PCDHGA2: variants seen among roughly 807,000 people sequenced by gnomAD.
The protein encoded by PCDHGA2 is protocadherin gamma subfamily A, 2, also known as protocadherin gamma-A2.
In PCDHGA2, 40 loss-of-function variants were observed where a neutral mutation model predicts 59.2. The observed-to-expected ratio is 0.68, with a 90% CI of 0.52 to 0.88. The LOEUF (loss-of-function observed/expected upper bound fraction) is 0.88, where lower values mean the gene tolerates loss of function less well. Ranked by LOEUF, PCDHGA2 falls within the 40% of genes least tolerant of loss-of-function variation. PCDHGA2 has a pLI of 0.00. For missense variants in PCDHGA2, 1,226 were observed against 1,204.0 expected (o/e 1.02, Z -0.27); for synonymous variants, 560 against 526.0 (o/e 1.06, Z -0.89).
chr5:141,474,847 GCCTTCT>G (rs906863967), intron 1 of PCDHGA2, among the ~76,000 whole-genome samples: 3 of 152,198 alleles, frequency 2.0e-5, no homozygotes, highest in African/African-American at 7.2e-5. Context: ...CACTTTACCT[GCCTTCT>G]TCATTTAATA....
intron 1 of PCDHGA2, chr5:141,403,862 G>A (rs1370445288): frequency 1.2e-6 from 2 of 1,613,508 alleles, no homozygotes; most frequent in East Asian, 2.2e-5. Flanking sequence ...AATATCAACA[G>A]CAAAAAGTCT....
At chr5:141,453,205 G>C (rs570291941) in intron 1 of PCDHGA2, among the ~76,000 whole-genome samples, 2 of 151,872 alleles carry the variant, frequency 1.3e-5, no homozygotes, top group Non-Finnish European at 2.9e-5. Context: ...CCTCAACCTC[G>C]TGCACTTAAG....
At chr5:141,450,675 C>T (rs377412699) in intron 1 of PCDHGA2, among the ~76,000 whole-genome samples, 3 of 151,614 alleles carry the variant, frequency 2.0e-5, no homozygotes, top group South Asian at 4.2e-4. Flanking sequence ...TTAGTAGAAA[C>T]GGGGTTTTGC....
chr5:141,474,170 T>G (rs535586079), intron 1 of PCDHGA2, among the ~76,000 whole-genome samples: 1 of 152,346 alleles, frequency 6.6e-6, no homozygotes, highest in South Asian at 2.1e-4. Flanking sequence ...GCCTTATTAT[T>G]GAGAAAACTA....
chr5:141,439,368 A>C (rs1346879772), intron 1 of PCDHGA2, among the ~76,000 whole-genome samples: 1 of 152,192 alleles, frequency 6.6e-6, no homozygotes, highest in East Asian at 1.9e-4. Flanking sequence ...CATCAAGAAG[A>C]AATAAAAATA....
rs186469397 is a variant in PCDHGA2 at position 141,376,362 on chromosome 5, C to G, written c.2424+34967C>G. ...ACCTATTCCCACGAGGTCTCACTCA[C>G]TGCAGACTCGCGTAAGAGTCATCTG... On this transcript the variant is annotated intron_variant, in intron 1 of 3. Transcript: ENST00000394576. 5.1e-3 allele frequency: 8,179 copies of G among 1,614,250 alleles called. 35 individuals carry two copies. The highest frequency in any genetic ancestry group is 6.1e-3 in the Non-Finnish European group (7,170 of 1,180,044).
intron 1 of PCDHGA2, chr5:141,388,934 A>G (rs1225337103): frequency 1.9e-6 from 3 of 1,613,896 alleles, no homozygotes; most frequent in Non-Finnish European, 2.5e-6. Context: ...TCCAGTCTCT[A>G]CCCAACCTAA....
intron 1 of PCDHGA2, chr5:141,374,529 C>G: frequency 6.2e-7 from 1 of 1,613,042 alleles, no homozygotes; most frequent in East Asian, 2.2e-5. Flanking sequence ...GCAGCTCCAT[C>G]CTCTCGTTTT....
At chr5:141,388,201 T>C (rs780011607) in intron 1 of PCDHGA2, 1 of 1,573,864 alleles carries the variant, frequency 6.4e-7, no homozygotes, top group Non-Finnish European at 8.7e-7. Context: ...GCTCTGGAAT[T>C]TGAGGCTGTT....
Position 141,485,751 on chromosome 5 carries a change from A to G in PCDHGA2, c.2425-9056A>G. ...CGCAGCGACGGCAGCCTGGTCCCAG[A>G]GCTGCTCCTGGAGAAGCCTTTGGAT... is the stretch of plus-strand genomic sequence containing the variant. On this transcript the variant is annotated intron_variant, in intron 1 of 3. Coordinates refer to ENST00000394576, the MANE Select transcript of PCDHGA2 (RefSeq NM_018915.4). This position sits in a 1 kb window ranked among gnomAD's most constrained non-coding sequence, Gnocchi z 5.7. 6.2e-7 allele frequency: 1 copy of G among 1,614,166 alleles called. No individual in the cohort carries two copies. Among genetic ancestry groups the G allele is most frequent in the Non-Finnish European group, 8.5e-7 (1 of 1,179,998 alleles).
chr5:141,341,475 T>TC, intron 1 of PCDHGA2, 80 bp downstream of exon 1: 1 of 1,580,280 alleles, frequency 6.3e-7, no homozygotes, highest in Non-Finnish European at 8.6e-7. Flanking sequence ...TCTATTTTGT[T>TC]CCCCATATTT....
At chr5:141,407,336 G>C (rs1005803062) in intron 1 of PCDHGA2, among the ~76,000 whole-genome samples, 1 of 152,124 alleles carries the variant, frequency 6.6e-6, no homozygotes, top group South Asian at 2.1e-4. Context: ...ATATTGAAAT[G>C]TATGTTAATT....
chr5:141,356,699 C>G (rs1303768653), intron 1 of PCDHGA2: 1 of 1,613,914 alleles, frequency 6.2e-7, no homozygotes, highest in Non-Finnish European at 8.5e-7. Flanking sequence ...CAGGGTGCAC[C>G]TCTGTCCTCC....
At chr5:141,410,338 C>T (rs1050053577) in intron 1 of PCDHGA2, 35 of 1,613,900 alleles carry the variant, frequency 2.2e-5, no homozygotes, top group Non-Finnish European at 2.2e-5. Context: ...TGGCCATTGC[C>T]TTGCGCCTGC....
chr5:141,437,638 A>G (rs192433359), intron 1 of PCDHGA2, among the ~76,000 whole-genome samples: 1 of 152,250 alleles, frequency 6.6e-6, no homozygotes, highest in Admixed American at 6.5e-5. Context: ...TGTCAGGTTC[A>G]GAAAAGCAAA....
At chr5:141,384,214 T>A in intron 1 of PCDHGA2, 1 of 1,613,874 alleles carries the variant, frequency 6.2e-7, no homozygotes, top group Non-Finnish European at 8.5e-7. Flanking sequence ...AACTCACATA[T>A]TCATGCAGGT....
rs964965013 is a variant in PCDHGA2 at position 141,489,097 on chromosome 5, C to G, written c.2425-5710C>G. The G allele has an allele frequency of 6.4e-6, 2 of 313,448 alleles. No homozygotes were observed. The highest frequency in any genetic ancestry group is 1.1e-4 in the South Asian group (2 of 18,596). 19.4% of individuals were successfully genotyped at this position (313,448 alleles called of 1,614,324 possible). The stretch of plus-strand genomic sequence containing the variant: ...ACCCCCGCCACTCGGTGACTAAGAA[C>G]TGCTGCAAGCAGGCAAACCTCCGAG... On this transcript the variant is annotated intron_variant, in intron 1 of 3. Coordinates refer to ENST00000394576, the MANE Select transcript of PCDHGA2 (RefSeq NM_018915.4). This position sits in a 1 kb window ranked among gnomAD's most constrained non-coding sequence, Gnocchi z 4.5.
At chr5:141,345,085 C>G (rs754754850) in intron 1 of PCDHGA2, 2 of 1,613,988 alleles carry the variant, frequency 1.2e-6, no homozygotes, top group Admixed American at 3.3e-5. Context: ...ACAATCACGT[C>G]TCTCACAAGC....
chr5:141,484,988 G>A (rs1187402042), intron 1 of PCDHGA2: 2 of 604,830 alleles, frequency 3.3e-6, no homozygotes, highest in Admixed American at 3.0e-5. Context: ...CAATCGGGTG[G>A]TGAAAGGCAG....
Sources: allele counts gnomAD v4.1 joint callset (sites outside exome capture counted in the v4.1 genomes callset), GRCh38; gene constraint gnomAD v4.1.1; non-coding constraint Gnocchi (gnomAD v3.1); transcripts MANE v1.5; gene names NCBI Gene and HGNC (gene_info 2026-07-23, HGNC 2026-07-21).